Variants in IL1RL2 observed in about 807,000 individuals in gnomAD.
IL1RL2 encodes interleukin 1 receptor like 2.
Under a neutral mutation model 66.8 loss-of-function variants are expected in IL1RL2, and 68 were observed. The observed-to-expected ratio is 1.02, with a 90% CI of 0.84 to 1.25. The LOEUF (loss-of-function observed/expected upper bound fraction) is 1.25. IL1RL2 is among the 50% of genes most tolerant of loss of function. IL1RL2 has a pLI of 0.00. For synonymous variants in IL1RL2, 305 were observed against 264.6 expected (o/e 1.15, Z -1.48); for missense variants, 729 against 709.3 (o/e 1.03, Z -0.32).
At chr2:102,213,493 A>G (rs1292727808) in intron 6 of IL1RL2, among the ~76,000 whole-genome samples, 1 of 152,130 alleles carries the variant, frequency 6.6e-6, no homozygotes, top group Admixed American at 6.5e-5. Context: ...ACCCATAAAT[A>G]TATGTAATTA....
rs1042697277 is a variant in IL1RL2, at chr2:102,191,431, G to C, written c.294-494G>C. 3.3e-5 allele frequency among the ~76,000 whole-genome samples: 5 copies of C among 152,096 alleles called. No individual in the cohort carries two copies. In the East Asian group the frequency reaches 7.7e-4, roughly 23 times the overall value. ...ATGTTTTTCTTTCTTTTCCAGTACA[G>C]TTACCAATCTGGGATCATGCATTGC... On this transcript the variant is annotated intron_variant, in intron 3 of 11. Transcript: ENST00000264257.
At chr2:102,203,664 G>C (rs1200722583) in intron 5 of IL1RL2, among the ~76,000 whole-genome samples, 1 of 151,904 alleles carries the variant, frequency 6.6e-6, no homozygotes, top group Non-Finnish European at 1.5e-5. Context: ...CTAGGAATTT[G>C]CCCATTTCTT....
intron 11 of IL1RL2, among the ~76,000 whole-genome samples, chr2:102,237,441 C>T (rs1429472619): frequency 2.0e-5 from 3 of 152,236 alleles, no homozygotes; most frequent in Non-Finnish European, 4.4e-5. Flanking sequence ...AGCCCGCAGC[C>T]ACCCTGCCCA....
intron 11 of IL1RL2, among the ~76,000 whole-genome samples, chr2:102,237,194 G>A (rs1482535604): frequency 6.6e-6 from 1 of 152,212 alleles, no homozygotes; most frequent in Non-Finnish European, 1.5e-5. Context: ...AGAGGGAAAT[G>A]GCTGGGAAGG....
intron 11 of IL1RL2, among the ~76,000 whole-genome samples, chr2:102,236,289 A>G (rs1469663488): frequency 2.0e-5 from 3 of 152,114 alleles, no homozygotes. Flanking sequence ...CAGCCCTGAG[A>G]GCCAGCCGGC....
downstream of IL1RL2, chr2:102,240,008 ATT>A (rs1481354764): frequency 3.9e-5 from 6 of 152,212 alleles, no homozygotes. Flanking sequence ...ATAAATCACA[ATT>A]TTGTTTGTTT....
chr2:102,233,036 C>A lies in IL1RL2; in HGVS notation c.1209C>A (p.Ala403=). The change falls in exon 10 of 12, where the codon GCC becomes GCA. Residue 403 remains alanine, a synonymous_variant. Coordinates refer to ENST00000264257, the MANE Select transcript of IL1RL2 (RefSeq NM_003854.4). ...HKESQRHAVD[A]LVLNILPEVL... ...AAAGCCAGAGGCATGCCGTGGATGC[C>A]CTGGTGTTGAATATCCTGCCCGAGG... is the stretch of plus-strand genomic sequence containing the variant. 1 of 1,614,100 alleles carries A rather than the reference C, an allele frequency of 6.2e-7. No homozygotes were observed.
chr2:102,230,577 C>T (rs1388384415), intron 9 of IL1RL2, among the ~76,000 whole-genome samples: 2 of 152,220 alleles, frequency 1.3e-5, no homozygotes, highest in Admixed American at 6.5e-5. Context: ...ATGAAGGCCT[C>T]CTCTGCGCCC....
At chr2:102,232,663 T>G (rs1691238059) in intron 9 of IL1RL2, among the ~76,000 whole-genome samples, 1 of 152,092 alleles carries the variant, frequency 6.6e-6, no homozygotes. Context: ...CAGGGAGTGG[T>G]GGACTTAGAC....
Position 102,220,014 on chromosome 2 carries a change from C to A in IL1RL2, c.988C>A (p.Pro330Thr). 6.2e-7 allele frequency: 1 copy of A among 1,608,968 alleles called. No individual in the cohort carries two copies. The highest frequency in any genetic ancestry group is 8.5e-7 in the Non-Finnish European group (1 of 1,175,886). ...VSTAYIILQLPAPDFRAYLIG... is the reference protein window; with the variant it reads ...VSTAYIILQLTAPDFRAYLIG... ...CACAGCATACATTATATTACAGCTC[C>A]CAGGTAATACTCCAGTGGGTTACAC... is the stretch of plus-strand genomic sequence containing the variant. The change falls in exon 8 of 12, where the codon CCA (proline) becomes ACA (threonine). Residue 330 changes from proline to threonine, a missense_variant. Coordinates refer to ENST00000264257, the MANE Select transcript of IL1RL2 (RefSeq NM_003854.4).
Position 102,239,528 on chromosome 2 carries a change from G to C in IL1RL2, c.*287G>C, listed in dbSNP as rs1315337203. The C allele has an allele frequency of 2.7e-6, 1 of 373,646 alleles. No homozygotes were observed. The highest frequency in any genetic ancestry group is 2.1e-5 in the African/African-American group (1 of 48,594). The allele number at this position is 373,646 out of a possible 1,614,324, so 23.1% of individuals were successfully genotyped here. A position where few individuals can be genotyped will look rare whatever the true frequency, so the allele number is the denominator to read the frequency against. ...GTCGGGGGAGGCATCCCCAAGTCAT[G>C]GTGGGTGAGAGCTCGGAGCATCCCC... On this transcript the variant is annotated 3_prime_UTR_variant, in exon 12 of 12. Transcript: ENST00000264257.
At chr2:102,233,242 C>T (rs1691305267) in intron 10 of IL1RL2, 118 bp downstream of exon 10, 1 of 986,512 alleles carries the variant, frequency 1.0e-6, no homozygotes, top group African/African-American at 1.6e-5. Flanking sequence ...CACAGAGAGT[C>T]TATGACCAGC....
rs1309660112 is a variant in IL1RL2 at position 102,192,007 on chromosome 2, C to T, written c.376C>T (p.Pro126Ser). ...GTGTGACACTTCCATAGGTGGTTTA[C>T]CAAATTTATCAGATGAGTACAAGCA... The part of the protein sequence containing the change: ...HWCDTSIGGL[P>S]NLSDEYKQIL... The change falls in exon 4 of 12, where the codon CCA (proline) becomes TCA (serine). Residue 126 changes from proline (P) to serine (S), a missense_variant. Coordinates refer to ENST00000264257, the MANE Select transcript of IL1RL2 (RefSeq NM_003854.4). 4 of 1,612,486 alleles carry T rather than the reference C, an allele frequency of 2.5e-6. No homozygotes were observed. The highest frequency in any genetic ancestry group is 2.2e-5 in the East Asian group (1 of 44,786).
At chr2:102,242,152 A>G (rs1324938627), downstream of IL1RL2, among the ~76,000 whole-genome samples, 1 of 152,218 alleles carries the variant, frequency 6.6e-6, no homozygotes, top group Non-Finnish European at 1.5e-5. Flanking sequence ...GAAACTAAGG[A>G]TGGAGATTTT....
intron 11 of IL1RL2, among the ~76,000 whole-genome samples, chr2:102,237,385 G>A (rs750739935): frequency 2.0e-5 from 3 of 152,188 alleles, no homozygotes; most frequent in Non-Finnish European, 2.9e-5. Flanking sequence ...GGCGTGGCCT[G>A]GTCTCACATG....
chr2:102,224,880 TA>T (rs887509969), intron 8 of IL1RL2, among the ~76,000 whole-genome samples: 1 of 152,114 alleles, frequency 6.6e-6, no homozygotes, highest in Admixed American at 6.5e-5. Context: ...AAAATTTTTT[TA>T]AAATTAAAGT....
intron 2 of IL1RL2, among the ~76,000 whole-genome samples, chr2:102,188,381 TA>T (rs1442899045): frequency 1.3e-5 from 2 of 151,980 alleles, no homozygotes; most frequent in Non-Finnish European, 2.9e-5. Context: ...TCAGGAGATC[TA>T]GACCATCCTG....
At chr2:102,235,643 G>A in intron 11 of IL1RL2, 4 of 985,438 alleles carry the variant, frequency 4.1e-6, no homozygotes, top group Non-Finnish European at 4.8e-6. Context: ...CACCCATAGA[G>A]TCTGAGATGG....
chr2:102,219,103 A>T (rs1689868199), intron 7 of IL1RL2, 21 bp downstream of exon 7: 1 of 1,613,176 alleles, frequency 6.2e-7, no homozygotes, highest in Non-Finnish European at 8.5e-7. Flanking sequence ...TGCTTTTTTG[A>T]CTTCTCTAAA....
Sources: gnomAD v4.1 joint callset for allele counts (sites outside exome capture counted in the v4.1 genomes callset) on GRCh38, gnomAD v4.1.1 for gene constraint, MANE v1.5 for transcripts, NCBI Gene and HGNC (gene_info 2026-07-23, HGNC 2026-07-21) for gene names.